Variants in PTPRE observed in about 807,000 individuals in gnomAD.
PTPRE encodes protein tyrosine phosphatase receptor type E.
In PTPRE, 51 loss-of-function variants were observed where a neutral mutation model predicts 102.0. The ratio of observed to expected loss-of-function variants is 0.50; its 90% CI spans 0.40 to 0.63. The LOEUF is 0.63. Ranked by LOEUF, PTPRE falls within the 30% of genes least tolerant of loss-of-function variation. The pLI, the probability that PTPRE is intolerant of heterozygous loss-of-function variation, is 0.00. For missense variants in PTPRE, 752 were observed against 915.1 expected (o/e 0.82, Z 2.30); for synonymous variants, 345 against 348.2 (o/e 0.99, Z 0.10).
In PTPRE at chr10:127,907,253, G is replaced by A. The variant is rs942689974; in HGVS notation, c.-87G>A. On this transcript the variant is annotated 5_prime_UTR_variant, in exon 1 of 21. Transcript: ENST00000254667. The surrounding 1 kb of genome is among the most constrained non-coding windows in gnomAD (Gnocchi z 4.8). ...CCGGAGGGCGGCGGGCAGGCGCCCG[G>A]GAGATGCGGAGCCTCCGCTGCAGCG... 1.0e-6 allele frequency: 1 copy of A among 984,642 alleles called. No homozygotes were observed. Among genetic ancestry groups the A allele is most frequent in the Non-Finnish European group, 1.2e-6 (1 of 829,680 alleles). 61.0% of individuals were successfully genotyped at this position (984,642 alleles called of 1,614,324 possible).
At position 128,055,464 on chromosome 10, in the gene PTPRE, C is replaced by T. The variant is rs117610388; in HGVS notation, c.421-659C>T. ...TGGTTAGCGTGGTGCTTCCCAAAGA[C>T]GTGTGCACTGAAGCCCTGGGGATCA... On this transcript the variant is annotated intron_variant, in intron 6 of 20. Coordinates refer to ENST00000254667, the MANE Select transcript of PTPRE (RefSeq NM_006504.6). 4.9e-3 allele frequency among the ~76,000 whole-genome samples: 747 copies of T among 152,254 alleles called. 15 individuals are homozygous for T. Among genetic ancestry groups the T allele is most frequent in the Non-Finnish European group, 4.0e-3 (270 of 68,006 alleles).
rs1000928378 is a variant in PTPRE, at chr10:127,949,795, C to T, written c.-30-32479C>T. Among the ~76,000 whole-genome samples, 5 of 152,252 alleles carry T rather than the reference C, an allele frequency of 3.3e-5. No individual in the cohort carries two copies. In the South Asian group the frequency reaches 8.3e-4, roughly 25 times the overall value. Reference sequence around the variant, plus strand: ...TTTGTCCCTCGATTGACTGAATTACCGCGAAAGCTGAGTCTCAGCTTTGCG... The same window carrying T: ...TTTGTCCCTCGATTGACTGAATTACTGCGAAAGCTGAGTCTCAGCTTTGCG... On this transcript the variant is annotated intron_variant, in intron 1 of 20. Coordinates refer to ENST00000254667, the MANE Select transcript of PTPRE (RefSeq NM_006504.6).
Position 127,965,720 on chromosome 10 carries a change from C to T in PTPRE, c.-30-16554C>T, listed in dbSNP as rs569443196. ...CTGAGTGTGGAGCCCCTTCTGGGTG[C>T]GGTGAGGGTCTGAGCCTGTGAACCT... On this transcript the variant is annotated intron_variant, in intron 1 of 20. Transcript: ENST00000254667. Among the ~76,000 whole-genome samples the T allele has an allele frequency of 5.9e-5, 9 of 152,222 alleles. No individual in the cohort carries two copies. The East Asian group carries it at 7.7e-4, about 13-fold the overall frequency.
chr10:127,960,142 G>A (rs1425158533), intron 1 of PTPRE, among the ~76,000 whole-genome samples: 1 of 152,162 alleles, frequency 6.6e-6, no homozygotes, highest in East Asian at 1.9e-4. Context: ...ATGCTTGCTG[G>A]CATGCGGGTG....
At chr10:127,933,828 T>C (rs1792013508) in intron 1 of PTPRE, among the ~76,000 whole-genome samples, 1 of 152,170 alleles carries the variant, frequency 6.6e-6, no homozygotes, top group African/African-American at 2.4e-5. Context: ...AAGGTCTGGA[T>C]TGAATTTTCT....
intron 1 of PTPRE, among the ~76,000 whole-genome samples, chr10:127,921,434 G>A (rs558271064): frequency 2.0e-4 from 31 of 152,300 alleles, no homozygotes; most frequent in Middle Eastern, 3.4e-3. Flanking sequence ...GGGAAGAGGC[G>A]TCCTGTGGCC....
chr10:127,955,743 G>T, intron 1 of PTPRE, among the ~76,000 whole-genome samples: 1 of 152,322 alleles, frequency 6.6e-6, no homozygotes, highest in East Asian at 1.9e-4. Flanking sequence ...AATTTATGAA[G>T]AAAAGAGGTT....
intron 2 of PTPRE, among the ~76,000 whole-genome samples, chr10:128,037,094 C>T (rs905937778): frequency 8.5e-5 from 13 of 152,222 alleles, no homozygotes; most frequent in African/African-American, 2.9e-4. Context: ...CAGGAGTGGG[C>T]ATCATTCCTT....
rs1850593828 is a variant in PTPRE, at chr10:128,069,679, T to C, written c.1008-13T>C. On this transcript the variant is annotated splice_polypyrimidine_tract_variant and intron_variant, in intron 12 of 20. Coordinates refer to ENST00000254667, the MANE Select transcript of PTPRE (RefSeq NM_006504.6). ...TGTGACTCACGACGCAGCATCTTTC[T>C]CTTTCCCCAAAGCGCGGGCGTGGGC... The C allele has an allele frequency of 6.2e-6, 10 of 1,613,908 alleles. No individual in the cohort carries two copies. Among genetic ancestry groups the C allele is most frequent in the Non-Finnish European group, 8.5e-6 (10 of 1,179,994 alleles).
intron 18 of PTPRE, among the ~76,000 whole-genome samples, chr10:128,077,220 C>A (rs1283947605): frequency 6.6e-6 from 1 of 152,226 alleles, no homozygotes; most frequent in Admixed American, 6.5e-5. Context: ...CTCCTCCATG[C>A]CAGCCACAGA....
chr10:128,005,097 T>C (rs1196094118), intron 2 of PTPRE, among the ~76,000 whole-genome samples: 1 of 152,214 alleles, frequency 6.6e-6, no homozygotes. Context: ...GTCTTTTTGT[T>C]GTTGAGTTGT....
At chr10:128,002,772 G>A (rs550916682) in intron 2 of PTPRE, among the ~76,000 whole-genome samples, 2 of 126,490 alleles carry the variant, frequency 1.6e-5, no homozygotes, top group Non-Finnish European at 3.1e-5. Flanking sequence ...GTGCGATCAC[G>A]GCTCTTGACC....
At chr10:128,073,127 C>T (rs533813364) in intron 16 of PTPRE, among the ~76,000 whole-genome samples, 6 of 152,322 alleles carry the variant, frequency 3.9e-5, no homozygotes, top group South Asian at 2.1e-4. Flanking sequence ...CAGGGGCTGA[C>T]GGTGGCCGTT....
chr10:127,912,615 AG>A (rs1483520940), intron 1 of PTPRE, among the ~76,000 whole-genome samples: 1 of 152,216 alleles, frequency 6.6e-6, no homozygotes, highest in Non-Finnish European at 1.5e-5. Context: ...TGGAGAGTAA[AG>A]AATTGATAGG....
At chr10:128,003,632 G>A (rs374672356) in intron 2 of PTPRE, among the ~76,000 whole-genome samples, 3 of 152,132 alleles carry the variant, frequency 2.0e-5, no homozygotes, top group Admixed American at 6.5e-5. Context: ...GTTCACGCGC[G>A]GACATCAGGC....
chr10:128,051,886 T>TG (rs1848592819), intron 6 of PTPRE, among the ~76,000 whole-genome samples: 1 of 152,144 alleles, frequency 6.6e-6, no homozygotes, highest in Admixed American at 6.6e-5. Flanking sequence ...TTGTTTGAGA[T>TG]GGGGTCTCGC....
intron 2 of PTPRE, chr10:127,999,453 C>T: frequency 2.7e-6 from 2 of 728,372 alleles, no homozygotes; most frequent in Non-Finnish European, 3.4e-6. Flanking sequence ...TTCTTCCTCC[C>T]TGTGGGCTGT....
At chr10:128,005,278 A>G (rs906151465) in intron 2 of PTPRE, among the ~76,000 whole-genome samples, 1 of 152,222 alleles carries the variant, frequency 6.6e-6, no homozygotes, top group African/African-American at 2.4e-5. Context: ...AAAACATTGC[A>G]TCATAAAGGG....
chr10:127,988,327 A>T (rs1268336520), intron 2 of PTPRE, among the ~76,000 whole-genome samples: 5 of 116,338 alleles, frequency 4.3e-5, no homozygotes, highest in Non-Finnish European at 3.4e-5. Context: ...TTTTTTTGAG[A>T]CTGAATCTTG....
Sources: gnomAD v4.1 joint callset for allele counts (sites outside exome capture counted in the v4.1 genomes callset) on GRCh38, gnomAD v4.1.1 for gene constraint, Gnocchi (gnomAD v3.1) non-coding constraint, MANE v1.5 for transcripts, NCBI Gene and HGNC (gene_info 2026-07-23, HGNC 2026-07-21) for gene names.